The following SNRPD3 variants were observed in gnomAD, a reference collection of about 807,000 sequenced individuals.
SNRPD3 encodes the protein small nuclear ribonucleoprotein D3 polypeptide.
For synonymous variants in SNRPD3, 66 were observed against 58.4 expected (o/e 1.13, Z -0.59); for missense variants, 73 against 167.5 (o/e 0.44, Z 3.11).
At chr22:24,556,496 C>T (rs1601562118) in intron 1 of SNRPD3, among the ~76,000 whole-genome samples, 1 of 152,194 alleles carries the variant, frequency 6.6e-6, no homozygotes, top group African/African-American at 2.4e-5. Flanking sequence ...CAGGCGTGAG[C>T]CACCGCGCCC....
At chr22:24,565,651 TGTTTGTTTG>T (rs1452319759) in intron 2 of SNRPD3, among the ~76,000 whole-genome samples, 1 of 151,994 alleles carries the variant, frequency 6.6e-6, no homozygotes, top group East Asian at 1.9e-4. Flanking sequence ...ACACGTTTTT[TGTTTGTTTG>T]GTTTGTTTTT....
At chr22:24,557,084 G>A (rs768959309) in intron 1 of SNRPD3, among the ~76,000 whole-genome samples, 16 of 152,216 alleles carry the variant, frequency 1.1e-4, no homozygotes, top group Non-Finnish European at 1.6e-4. Flanking sequence ...CTTCCATAGG[G>A]TAGCCACTAG....
chr22:24,567,271 C>G (rs969272176), intron 2 of SNRPD3, among the ~76,000 whole-genome samples: 3 of 152,118 alleles, frequency 2.0e-5, no homozygotes, highest in African/African-American at 4.8e-5. Context: ...CAGTTTGGAC[C>G]AGCAGTTTGA....
upstream of SNRPD3, chr22:24,555,866 C>T (rs2045050272): frequency 3.3e-6 from 5 of 1,525,706 alleles, no homozygotes; most frequent in Non-Finnish European, 3.5e-6. Flanking sequence ...TACTGGTGCC[C>T]TAGTTTCCCA....
At position 24,573,361 on chromosome 22, in the gene SNRPD3, A is replaced by G. The variant is rs114303641; in HGVS notation, c.*1384A>G. Among the ~76,000 whole-genome samples the G allele has an allele frequency of 6.4e-3, 971 of 152,360 alleles. 7 individuals are homozygous for G. The highest frequency in any genetic ancestry group is 0.022 in the African/African-American group (905 of 41,582). On this transcript the variant is annotated 3_prime_UTR_variant, in exon 4 of 4. Coordinates refer to ENST00000215829, the MANE Select transcript of SNRPD3 (RefSeq NM_004175.5). ...GTATGAGCTACAGCATAAGCCATCA[A>G]GAGGAAAACTGATCAATTATTGGCT...
intron 2 of SNRPD3, 157 bp downstream of exon 2, chr22:24,557,957 G>T: frequency 1.6e-6 from 1 of 607,892 alleles, no homozygotes; most frequent in Non-Finnish European, 2.7e-6. Context: ...TAGGCTCTGG[G>T]GGTGTGGGCA....
At chr22:24,567,760 G>A (rs1274457514) in intron 2 of SNRPD3, among the ~76,000 whole-genome samples, 1 of 65,832 alleles carries the variant, frequency 1.5e-5, no homozygotes, top group African/African-American at 3.3e-5. Context: ...AAAAAAAGGG[G>A]GGGAGCACTC....
At position 24,572,185 on chromosome 22, in the gene SNRPD3, GT is replaced by G; in HGVS notation, c.*211del. The G allele has an allele frequency of 9.8e-7, 1 of 1,017,300 alleles. No individual in the cohort carries two copies. Among genetic ancestry groups the G allele is most frequent in the South Asian group, 1.5e-5 (1 of 67,098 alleles). The allele number at this position is 1,017,300 out of a possible 1,614,324, so 63.0% of individuals were successfully genotyped here. On this transcript the variant is annotated 3_prime_UTR_variant, in exon 4 of 4. Transcript: ENST00000215829. Reference sequence around the variant, plus strand: ...AATAAGGACTTTGTGTTCATTTGAAGTTTGCTTTGGCTAAATTTTGACACCC... The same window carrying G: ...AATAAGGACTTTGTGTTCATTTGAAGTTGCTTTGGCTAAATTTTGACACCC...
intron 1 of SNRPD3, 146 bp from the exon 2 acceptor site, chr22:24,557,511 C>CTT (rs11427005): frequency 0.078 from 31,723 of 406,660 alleles, 9 homozygotes; most frequent in Non-Finnish European, 0.093. Context: ...AGGAGCTGAG[C>CTT]TTTTTTTTTT....
upstream of SNRPD3, chr22:24,555,831 C>T: frequency 2.6e-6 from 4 of 1,544,484 alleles, no homozygotes; most frequent in Non-Finnish European, 3.5e-6. Context: ...GTCATCAGCC[C>T]TCTTTTCCGG....
Position 24,556,083 on chromosome 22 carries a change from G to A in SNRPD3, c.-19+12G>A, listed in dbSNP as rs753723062. The A allele has an allele frequency of 1.7e-6, 1 of 588,608 alleles. No individual in the cohort carries two copies. Among genetic ancestry groups the A allele is most frequent in the Non-Finnish European group, 3.0e-6 (1 of 330,748 alleles). 36.5% of individuals were successfully genotyped at this position (588,608 alleles called of 1,614,324 possible). A position where few individuals can be genotyped will look rare whatever the true frequency, so the allele number is the denominator to read the frequency against. On this transcript the variant is annotated intron_variant, in intron 1 of 3. Coordinates refer to ENST00000215829, the MANE Select transcript of SNRPD3 (RefSeq NM_004175.5). The stretch of plus-strand genomic sequence containing the variant: ...GTAGGCCAGAGCCGGTGAGGCTGGG[G>A]ACGGGCGAGGGGAGGTCGAGGCGCC...
Position 24,564,883 on chromosome 22 carries a change from C to CTTTTTTTTTTTTTTTTTTTTTTT in SNRPD3, c.127-3101_127-3100insTTTTTTTTTTTTTTTTTTTTTTT, listed in dbSNP as rs371010665. 1.6e-5 allele frequency among the ~76,000 whole-genome samples: 2 copies of CTTTTTTTTTTTTTTTTTTTTTTT among 127,166 alleles called. 1 individual carries two copies. 83.4% of individuals were successfully genotyped at this position (127,166 alleles called of 152,430 possible). On this transcript the variant is annotated intron_variant, in intron 2 of 3. Transcript: ENST00000215829. ...GCATTTAGACATACTTTGCCTTGTTCATTTTTTTTTTTTTTTTTTTGACAG... is the reference window on the plus strand; with the variant it reads ...GCATTTAGACATACTTTGCCTTGTTCTTTTTTTTTTTTTTTTTTTTTTTATTTTTTTTTTTTTTTTTTTGACAG...
chr22:24,559,731 A>G (rs1465010930), intron 2 of SNRPD3, among the ~76,000 whole-genome samples: 2 of 152,124 alleles, frequency 1.3e-5, no homozygotes, highest in African/African-American at 4.8e-5. Flanking sequence ...AGAAGGAACC[A>G]TGCCTGACCA....
rs1014516628 is a variant in SNRPD3 at position 24,572,697 on chromosome 22, A to G, written c.*720A>G. ...ATTCGCTTGAACCCAGGAGGTGGAC[A>G]TTGCAGTGAGCAGAGATCATGCCAC... On this transcript the variant is annotated 3_prime_UTR_variant, in exon 4 of 4. Coordinates refer to ENST00000215829, the MANE Select transcript of SNRPD3 (RefSeq NM_004175.5). 2 of 157,684 alleles carry G rather than the reference A, an allele frequency of 1.3e-5. No homozygotes were observed. Among genetic ancestry groups the G allele is most frequent in the African/African-American group, 2.4e-5 (1 of 41,384 alleles). The allele number at this position is 157,684 out of a possible 1,614,324, so 9.8% of individuals were successfully genotyped here. A position where few individuals can be genotyped will look rare whatever the true frequency, so the allele number is the denominator to read the frequency against.
Position 24,572,349 on chromosome 22 carries a change from G to T in SNRPD3, c.*372G>T. On this transcript the variant is annotated 3_prime_UTR_variant, in exon 4 of 4. Transcript: ENST00000215829. ...GAGAAGCTCCGAGAACACACAGATT[G>T]TGTCTCATTCATCTTCAGACACAGG... 1.8e-6 allele frequency: 1 copy of T among 571,050 alleles called. No homozygotes were observed. The highest frequency in any genetic ancestry group is 3.1e-6 in the Non-Finnish European group (1 of 322,016). The allele number at this position is 571,050 out of a possible 1,614,324, so 35.4% of individuals were successfully genotyped here.
intron 2 of SNRPD3, among the ~76,000 whole-genome samples, chr22:24,563,232 G>A (rs185493679): frequency 0.57 from 76,309 of 134,014 alleles, 20,755 homozygotes; most frequent in East Asian, 0.71. Flanking sequence ...GTGTGTGTGT[G>A]TGTGTGTGTG....
intron 1 of SNRPD3, 134 bp from the exon 2 acceptor site, chr22:24,557,523 T>TTC: frequency 6.4e-6 from 4 of 620,500 alleles, no homozygotes; most frequent in Admixed American, 3.5e-5. Context: ...TTTTTTTTTT[T>TTC]CCTTGGTAGA....
Position 24,567,742 on chromosome 22 carries a change from A to G in SNRPD3, c.127-242A>G, listed in dbSNP as rs573087097. On this transcript the variant is annotated intron_variant, in intron 2 of 3. Coordinates refer to ENST00000215829, the MANE Select transcript of SNRPD3 (RefSeq NM_004175.5). ...GCCTGGGCAACAAGAGTGAAACTCC[A>G]TCTCAAAAAAAAAAGGGGGGGAGCA... Among the ~76,000 whole-genome samples the G allele has an allele frequency of 2.6e-3, 286 of 110,428 alleles. 2 individuals are homozygous for G. Among genetic ancestry groups the G allele is most frequent in the African/African-American group, 7.7e-3 (273 of 35,496 alleles). 72.4% of individuals were successfully genotyped at this position (110,428 alleles called of 152,430 possible).
intron 1 of SNRPD3, among the ~76,000 whole-genome samples, chr22:24,556,545 C>T (rs1040272982): frequency 3.3e-5 from 5 of 152,142 alleles, no homozygotes; most frequent in Non-Finnish European, 4.4e-5. Flanking sequence ...TATCTCTGCC[C>T]CAGTCCCCTT....
Sources: gnomAD v4.1 joint callset for allele counts (sites outside exome capture counted in the v4.1 genomes callset) on GRCh38, gnomAD v4.1.1 for gene constraint, MANE v1.5 for transcripts, NCBI Gene and HGNC (gene_info 2026-07-23, HGNC 2026-07-21) for gene names.